DPF3: variants seen among roughly 807,000 people sequenced by gnomAD.
DPF3 encodes double PHD fingers 3.
DPF3 carries 18 observed loss-of-function variants against 56.8 expected under a neutral mutation model. That is an observed-to-expected ratio of 0.32 (90% confidence interval 0.22 to 0.47). The LOEUF (loss-of-function observed/expected upper bound fraction) is 0.47. Among genes scored for constraint, DPF3 ranks in the 20% least tolerant of loss-of-function variants. The pLI, the probability that DPF3 is intolerant of heterozygous loss-of-function variation, is 1.00. For synonymous variants in DPF3, 188 were observed against 180.2 expected, an observed-to-expected ratio of 1.04 and a Z score of -0.35; for missense variants, 403 against 488.8, an observed-to-expected ratio of 0.82 and a Z score of 1.65.
intron 7 of DPF3, among the ~76,000 whole-genome samples, chr14:72,676,608 G>A (rs1886920504): frequency 1.3e-5 from 2 of 152,180 alleles, no homozygotes; most frequent in African/African-American, 4.8e-5. Flanking sequence ...AATCATGGGG[G>A]CAGGTTTTTC....
At chr14:72,747,823 T>C (rs1482003930) in intron 3 of DPF3, among the ~76,000 whole-genome samples, 2 of 152,116 alleles carry the variant, frequency 1.3e-5, no homozygotes, top group African/African-American at 4.8e-5. Flanking sequence ...AAACAAGAAT[T>C]TCTCTGCACA....
chr14:72,660,336 T>A (rs1046653890), intron 8 of DPF3, among the ~76,000 whole-genome samples: 3 of 152,160 alleles, frequency 2.0e-5, no homozygotes, highest in Admixed American at 6.5e-5. Context: ...TGATATTCAG[T>A]CTAAAGAAAG....
chr14:72,833,337 G>A (rs534440040), intron 1 of DPF3, among the ~76,000 whole-genome samples: 287 of 152,318 alleles, frequency 1.9e-3, no homozygotes, highest in African/African-American at 6.5e-3. Flanking sequence ...TCACCCTGAC[G>A]GGGAATCCGG....
At chr14:72,702,239 C>T (rs562997229) in intron 6 of DPF3, among the ~76,000 whole-genome samples, 2 of 151,266 alleles carry the variant, frequency 1.3e-5, no homozygotes, top group Admixed American at 6.6e-5. Flanking sequence ...CCCTTGCTCT[C>T]GGCAAGAAGG....
chr14:72,723,610 C>G, intron 5 of DPF3, 23 bp downstream of exon 5: 1 of 1,548,450 alleles, frequency 6.5e-7, no homozygotes, highest in South Asian at 1.2e-5. Flanking sequence ...TCTCTTTCCT[C>G]GCTCATGTCA....
chr14:72,638,021 C>T (rs919423901), intron 8 of DPF3, among the ~76,000 whole-genome samples: 2 of 152,146 alleles, frequency 1.3e-5, no homozygotes, highest in African/African-American at 2.4e-5. Context: ...GATGAGCTGT[C>T]ATAAACTGAA....
chr14:72,875,066 C>T (rs1886060685), intron 1 of DPF3, among the ~76,000 whole-genome samples: 1 of 152,126 alleles, frequency 6.6e-6, no homozygotes, highest in Non-Finnish European at 1.5e-5. Flanking sequence ...AAGCTGAAAC[C>T]CCTGATAAAC....
intron 8 of DPF3, among the ~76,000 whole-genome samples, chr14:72,645,710 C>T (rs532392882): frequency 3.2e-4 from 49 of 152,228 alleles, no homozygotes; most frequent in African/African-American, 1.1e-3. Flanking sequence ...TTTAAGATTT[C>T]TCTTCTTTTC....
intron 3 of DPF3, among the ~76,000 whole-genome samples, chr14:72,746,939 C>G (rs1159199635): frequency 6.6e-6 from 1 of 152,256 alleles, no homozygotes; most frequent in Admixed American, 6.5e-5. Flanking sequence ...ATGGCCAAAG[C>G]AGGCTGTGAA....
At chr14:72,863,416 G>A (rs1885533910) in intron 1 of DPF3, among the ~76,000 whole-genome samples, 1 of 151,592 alleles carries the variant, frequency 6.6e-6, no homozygotes, top group Non-Finnish European at 1.5e-5. Flanking sequence ...ACCGAGAAAG[G>A]GAAGAGAAAT....
chr14:72,841,554 G>A (rs1439790277), intron 1 of DPF3, among the ~76,000 whole-genome samples: 2 of 151,748 alleles, frequency 1.3e-5, no homozygotes, highest in Non-Finnish European at 2.9e-5. Context: ...CTTTTGCAGG[G>A]GTATAGTGAT....
intron 8 of DPF3, among the ~76,000 whole-genome samples, chr14:72,665,182 C>T (rs1354080930): frequency 6.6e-6 from 1 of 152,144 alleles, no homozygotes; most frequent in Non-Finnish European, 1.5e-5. Flanking sequence ...CATACTACCC[C>T]ATGACAGCTC....
At chr14:72,668,164 C>T (rs115203659) in intron 8 of DPF3, among the ~76,000 whole-genome samples, 518 of 152,240 alleles carry the variant, frequency 3.4e-3, no homozygotes, top group Middle Eastern at 0.014. Flanking sequence ...TGGTTGGAAA[C>T]CAAGGACAGC....
chr14:72,648,490 G>T (rs1259718817), intron 8 of DPF3, among the ~76,000 whole-genome samples: 4 of 151,354 alleles, frequency 2.6e-5, no homozygotes, highest in African/African-American at 9.7e-5. Flanking sequence ...GAAACCAGGA[G>T]GCAGAGGTTG....
intron 1 of DPF3, among the ~76,000 whole-genome samples, chr14:72,795,697 T>A (rs1400786465): frequency 1.3e-5 from 2 of 152,140 alleles, no homozygotes; most frequent in African/African-American, 4.8e-5. Flanking sequence ...GTTTGGCCAA[T>A]GCAGACTGAC....
chr14:72,687,838 A>G (rs185536691), intron 7 of DPF3, among the ~76,000 whole-genome samples: 247 of 152,198 alleles, frequency 1.6e-3, no homozygotes, highest in African/African-American at 5.7e-3. Context: ...GCTGGCCCCC[A>G]TCCTTGGAGT....
At chr14:72,812,696 A>C (rs1883108661) in intron 1 of DPF3, among the ~76,000 whole-genome samples, 1 of 152,152 alleles carries the variant, frequency 6.6e-6, no homozygotes, top group Admixed American at 6.6e-5. Flanking sequence ...AGGGCGCTCT[A>C]GTATGCCACT....
chr14:72,717,126 C>G (rs967015630), intron 5 of DPF3, among the ~76,000 whole-genome samples: 1 of 152,208 alleles, frequency 6.6e-6, no homozygotes, highest in Non-Finnish European at 1.5e-5. Context: ...CTCGGGTTCA[C>G]CCCATGATTG....
At chr14:72,892,505 C>A in intron 1 of DPF3, 4 of 1,412,658 alleles carry the variant, frequency 2.8e-6, no homozygotes, top group Non-Finnish European at 2.7e-6. Flanking sequence ...CCTTCCTACC[C>A]CTTTCCCTAT....
Sources: gnomAD v4.1 joint callset for allele counts (sites outside exome capture counted in the v4.1 genomes callset) on GRCh38, gnomAD v4.1.1 for gene constraint, MANE v1.5 for transcripts, NCBI Gene and HGNC (gene_info 2026-07-23, HGNC 2026-07-21) for gene names.